OTUD7A: variants seen among roughly 807,000 people sequenced by gnomAD.
OTUD7A encodes the protein OTU domain-containing protein 7A.
OTUD7A carries 12 observed loss-of-function variants against 65.7 expected under a neutral mutation model. That is an observed-to-expected ratio of 0.18 (90% CI 0.12 to 0.30). The LOEUF (loss-of-function observed/expected upper bound fraction) is 0.30, where lower values mean the gene tolerates loss of function less well. OTUD7A is among the 10% of genes least tolerant of loss of function. OTUD7A has a pLI of 1.00. For missense variants in OTUD7A, 1,148 were observed against 1,304.8 expected, an observed-to-expected ratio of 0.88 and a Z score of 1.85; for synonymous variants, 641 against 586.3, an observed-to-expected ratio of 1.09 and a Z score of -1.35.
intron 1 of OTUD7A, among the ~76,000 whole-genome samples, chr15:31,859,366 T>C (rs531434322): frequency 1.3e-5 from 2 of 152,244 alleles, no homozygotes; most frequent in Non-Finnish European, 2.9e-5. Context: ...TTTTAGCAAT[T>C]GTCAAGTCTA....
chr15:31,608,347 C>T (rs1890296687), intron 3 of OTUD7A, among the ~76,000 whole-genome samples: 1 of 152,130 alleles, frequency 6.6e-6, no homozygotes, highest in African/African-American at 2.4e-5. Context: ...GAACTCGGTG[C>T]ATATGGTTAA....
intron 3 of OTUD7A, among the ~76,000 whole-genome samples, chr15:31,595,845 A>G (rs1889888427): frequency 6.6e-6 from 1 of 152,108 alleles, no homozygotes. Context: ...GCAGGCTGTC[A>G]GCTGGAGGTC....
intron 1 of OTUD7A, among the ~76,000 whole-genome samples, chr15:31,717,085 C>A (rs928276175): frequency 1.4e-4 from 21 of 152,170 alleles, no homozygotes; most frequent in African/African-American, 5.1e-4. Context: ...GTCTGTTCTA[C>A]AGATACTATT....
chr15:31,848,365 C>G (rs1897336164), intron 1 of OTUD7A, among the ~76,000 whole-genome samples: 1 of 152,136 alleles, frequency 6.6e-6, no homozygotes, highest in African/African-American at 2.4e-5. Context: ...GCAGACCAGT[C>G]TGCCTGGGGA....
chr15:31,589,275 CTT>C (rs562027412), intron 3 of OTUD7A, among the ~76,000 whole-genome samples: 1 of 149,568 alleles, frequency 6.7e-6, no homozygotes, highest in Non-Finnish European at 1.5e-5. Flanking sequence ...TCAGGAGTGA[CTT>C]TTATTTTCTC....
At chr15:31,796,451 T>A (rs1161907229) in intron 1 of OTUD7A, among the ~76,000 whole-genome samples, 1 of 152,192 alleles carries the variant, frequency 6.6e-6, no homozygotes, top group African/African-American at 2.4e-5. Flanking sequence ...AATAATTGCA[T>A]GAGGCTCACC....
At chr15:31,797,429 A>G (rs1327500143) in intron 1 of OTUD7A, among the ~76,000 whole-genome samples, 1 of 152,150 alleles carries the variant, frequency 6.6e-6, no homozygotes, top group African/African-American at 2.4e-5. Context: ...ACGAGTACCT[A>G]TTCCATTAAT....
At chr15:31,573,727 C>T (rs960152400) in intron 3 of OTUD7A, among the ~76,000 whole-genome samples, 1 of 152,126 alleles carries the variant, frequency 6.6e-6, no homozygotes, top group Non-Finnish European at 1.5e-5. Flanking sequence ...ATGGCGAAAC[C>T]CTGTCTCTAC....
intron 3 of OTUD7A, among the ~76,000 whole-genome samples, chr15:31,626,951 T>TG (rs1890975660): frequency 6.8e-6 from 1 of 147,230 alleles, no homozygotes; most frequent in Admixed American, 6.8e-5. Context: ...ACTTTATTGT[T>TG]AAAAAAAAAA....
At chr15:31,510,396 C>A (rs758152426) in intron 8 of OTUD7A, among the ~76,000 whole-genome samples, 2 of 150,952 alleles carry the variant, frequency 1.3e-5, no homozygotes, top group Admixed American at 6.6e-5. Context: ...TTTCCCCTTC[C>A]CCTAGAGGAG....
At chr15:31,649,096 C>T (rs1159397148) in intron 3 of OTUD7A, among the ~76,000 whole-genome samples, 1 of 152,216 alleles carries the variant, frequency 6.6e-6, no homozygotes, top group African/African-American at 2.4e-5. Flanking sequence ...CTATATGGCA[C>T]TGGGGGATTC....
intron 1 of OTUD7A, among the ~76,000 whole-genome samples, chr15:31,824,901 T>C (rs114002884): frequency 2.0e-5 from 3 of 152,168 alleles, no homozygotes; most frequent in Non-Finnish European, 4.4e-5. Context: ...AAAGAGCTCA[T>C]AGCAGCTAAG....
chr15:31,552,541 C>T (rs960600128), intron 5 of OTUD7A, among the ~76,000 whole-genome samples: 1 of 152,246 alleles, frequency 6.6e-6, no homozygotes, highest in Non-Finnish European at 1.5e-5. Context: ...TGTGCACACA[C>T]GACCTCAGTT....
At chr15:31,570,924 T>A (rs956125729) in intron 3 of OTUD7A, among the ~76,000 whole-genome samples, 2 of 152,036 alleles carry the variant, frequency 1.3e-5, no homozygotes, top group Non-Finnish European at 2.9e-5. Context: ...CAGGAAGGAG[T>A]ATCACACACT....
intron 1 of OTUD7A, among the ~76,000 whole-genome samples, chr15:31,736,157 CCACAA>C (rs1390478394): frequency 1.3e-5 from 2 of 152,086 alleles, no homozygotes; most frequent in South Asian, 2.1e-4. Flanking sequence ...CAACAAACCC[CCACAA>C]CACAAGTTTA....
intron 1 of OTUD7A, among the ~76,000 whole-genome samples, chr15:31,740,260 C>T (rs960460095): frequency 6.6e-6 from 1 of 152,138 alleles, no homozygotes; most frequent in Non-Finnish European, 1.5e-5. Context: ...GTGCCTGGAG[C>T]AGAGGTGGGG....
chr15:31,777,693 T>C (rs1895422835), intron 1 of OTUD7A, among the ~76,000 whole-genome samples: 1 of 152,170 alleles, frequency 6.6e-6, no homozygotes, highest in Non-Finnish European at 1.5e-5. Flanking sequence ...GCTTCCATGT[T>C]GGATGCACAT....
intron 7 of OTUD7A, 134 bp downstream of exon 7, chr15:31,527,047 T>C: frequency 7.4e-7 from 1 of 1,346,102 alleles, no homozygotes; most frequent in Non-Finnish European, 1.0e-6. Flanking sequence ...GAGACTTTCC[T>C]GATCCCAGGG....
At chr15:31,829,508 G>C (rs1567044386) in intron 1 of OTUD7A, among the ~76,000 whole-genome samples, 3 of 152,190 alleles carry the variant, frequency 2.0e-5, no homozygotes, top group Non-Finnish European at 2.9e-5. Flanking sequence ...GAGGATACTA[G>C]ACATTGGGTT....
Sources: allele counts gnomAD v4.1 joint callset (sites outside exome capture counted in the v4.1 genomes callset), GRCh38; gene constraint gnomAD v4.1.1; transcripts MANE v1.5; gene names NCBI Gene and HGNC (gene_info 2026-07-23, HGNC 2026-07-21).